Variants in NRG1 observed in about 807,000 individuals in gnomAD.
NRG1 encodes the protein pro-neuregulin-1, membrane-bound isoform.
Under a neutral mutation model 63.8 loss-of-function variants are expected in NRG1, and 18 were observed. The ratio of observed to expected loss-of-function variants is 0.28; its 90% CI spans 0.19 to 0.42. The LOEUF is 0.42. Ranked by LOEUF, NRG1 falls within the 10% of genes least tolerant of loss-of-function variation. NRG1 has a pLI of 1.00. For missense variants in NRG1, 762 were observed against 814.7 expected, an observed-to-expected ratio of 0.94 and a Z score of 0.79; for synonymous variants, 302 against 301.3, an observed-to-expected ratio of 1.00 and a Z score of -0.02.
intron 1 of NRG1, among the ~76,000 whole-genome samples, chr8:32,291,533 C>CTTT (rs757839225): frequency 0.013 from 1,278 of 97,950 alleles, 10 homozygotes; most frequent in Middle Eastern, 0.018. Context: ...TTTTTATCCA[C>CTTT]TTTTTTTTTT....
chr8:32,115,314 G>C (rs1339356035), intron 1 of NRG1, among the ~76,000 whole-genome samples: 1 of 151,894 alleles, frequency 6.6e-6, no homozygotes, highest in African/African-American at 2.4e-5. Flanking sequence ...AACTTTTGAC[G>C]CCCCACAGCC....
intron 1 of NRG1, among the ~76,000 whole-genome samples, chr8:32,144,761 T>C (rs998922407): frequency 6.6e-6 from 1 of 152,162 alleles, no homozygotes. Flanking sequence ...TTAAAATAGT[T>C]TTACAAGCAC....
At chr8:31,718,481 T>G (rs1385829714) in intron 1 of NRG1, among the ~76,000 whole-genome samples, 2 of 152,204 alleles carry the variant, frequency 1.3e-5, no homozygotes, top group Non-Finnish European at 2.9e-5. Flanking sequence ...TACTGTGCAC[T>G]CCCAAGTAAA....
intron 1 of NRG1, among the ~76,000 whole-genome samples, chr8:31,825,130 C>T (rs1242136652): frequency 6.6e-6 from 1 of 152,132 alleles, no homozygotes; most frequent in African/African-American, 2.4e-5. Context: ...GGTGGCTCCG[C>T]CTGTAATCCC....
chr8:32,036,975 C>A (rs577918050), intron 1 of NRG1, among the ~76,000 whole-genome samples: 1 of 152,148 alleles, frequency 6.6e-6, no homozygotes, highest in African/African-American at 2.4e-5. Context: ...AGGGCCCTTA[C>A]TGGAGATATG....
chr8:31,790,577 T>A (rs1820603720), intron 1 of NRG1, among the ~76,000 whole-genome samples: 1 of 152,220 alleles, frequency 6.6e-6, no homozygotes, highest in South Asian at 2.1e-4. Flanking sequence ...TAACTACTGT[T>A]CAATAGAGAA....
intron 1 of NRG1, among the ~76,000 whole-genome samples, chr8:31,892,091 G>C (rs1831189414): frequency 2.0e-5 from 3 of 152,052 alleles, no homozygotes. Flanking sequence ...TCAATATCCT[G>C]AATGTGATAT....
At chr8:32,725,298 A>T (rs146494443) in intron 5 of NRG1, among the ~76,000 whole-genome samples, 4 of 152,106 alleles carry the variant, frequency 2.6e-5, no homozygotes, top group Non-Finnish European at 4.4e-5. Context: ...TGAGGTTCAG[A>T]GTTCCTCTGC....
chr8:32,349,661 G>A (rs1252066024), intron 1 of NRG1, among the ~76,000 whole-genome samples: 1 of 152,144 alleles, frequency 6.6e-6, no homozygotes, highest in Non-Finnish European at 1.5e-5. Flanking sequence ...CGAGTAAATT[G>A]CTTTTTGTAT....
rs540286029 is a variant in NRG1 at position 32,689,987 on chromosome 8, G to A, written c.503-37962G>A. Among the ~76,000 whole-genome samples the A allele has an allele frequency of 4.6e-4, 70 of 152,230 alleles. 2 individuals carry two copies. Among genetic ancestry groups the A allele is most frequent in the Admixed American group, 4.6e-3 (70 of 15,290 alleles). On this transcript the variant is annotated intron_variant, in intron 5 of 11. Coordinates refer to ENST00000356819, the Ensembl canonical transcript of NRG1. ...ACGAGTAGGAAGCTGCTTTGGTTCT[G>A]GGGTCAATCTAGGACTTCAGGTCTA... is the stretch of plus-strand genomic sequence containing the variant.
intron 1 of NRG1, among the ~76,000 whole-genome samples, chr8:32,163,737 C>T (rs1222202422): frequency 1.3e-5 from 2 of 152,192 alleles, no homozygotes; most frequent in African/African-American, 2.4e-5. Context: ...ACAGACATAA[C>T]TTGCAAAGGT....
At chr8:32,218,575 CA>C (rs917964974) in intron 1 of NRG1, among the ~76,000 whole-genome samples, 1 of 152,160 alleles carries the variant, frequency 6.6e-6, no homozygotes, top group Non-Finnish European at 1.5e-5. Context: ...ATGCAGTCCA[CA>C]AAAAATGACA....
chr8:32,356,474 A>ACCCCCCCCCCCCCCCCCC (rs11426642), intron 1 of NRG1, among the ~76,000 whole-genome samples: 1 of 69,324 alleles, frequency 1.4e-5, no homozygotes, highest in African/African-American at 5.9e-5. Context: ...CCTTGTTGGG[A>ACCCCCCCCCCCCCCCCCC]CCCCCCCCCC....
intron 1 of NRG1, among the ~76,000 whole-genome samples, chr8:32,215,523 A>G (rs902346151): frequency 6.6e-6 from 1 of 152,188 alleles, no homozygotes; most frequent in African/African-American, 2.4e-5. Flanking sequence ...TCACACACTT[A>G]TGAGGAAACT....
At chr8:32,411,202 TAG>T (rs1487197215) in intron 1 of NRG1, among the ~76,000 whole-genome samples, 15 of 152,110 alleles carry the variant, frequency 9.9e-5, no homozygotes, top group Non-Finnish European at 1.8e-4. Flanking sequence ...GATGAGGAAC[TAG>T]AGACTCTGAG....
intron 1 of NRG1, among the ~76,000 whole-genome samples, chr8:32,414,028 C>G (rs556354057): frequency 6.6e-6 from 1 of 151,374 alleles, no homozygotes; most frequent in African/African-American, 2.4e-5. Context: ...ATTTATAAAT[C>G]CTGAAGGTTC....
At chr8:32,369,934 C>G (rs924884209) in intron 1 of NRG1, among the ~76,000 whole-genome samples, 2 of 151,718 alleles carry the variant, frequency 1.3e-5, no homozygotes, top group African/African-American at 4.8e-5. Flanking sequence ...GGCTGTGATC[C>G]CAAAACAGGG....
At chr8:32,764,149 C>A (rs1831203087) in exon 12 of NRG1, 2 of 1,614,080 alleles carry the variant, frequency 1.2e-6, no homozygotes, top group Non-Finnish European at 1.7e-6. Context: ...GGCCACATTG[C>A]TAACAGATTG....
chr8:32,108,048 AAT>A (rs898990297), intron 1 of NRG1, among the ~76,000 whole-genome samples: 19 of 151,978 alleles, frequency 1.3e-4, no homozygotes, highest in Non-Finnish European at 1.8e-4. Flanking sequence ...TATCTATATG[AAT>A]ATATATATAG....
Sources: allele counts gnomAD v4.1 joint callset (sites outside exome capture counted in the v4.1 genomes callset), GRCh38; gene constraint gnomAD v4.1.1; transcripts MANE v1.5; gene names NCBI Gene and HGNC (gene_info 2026-07-23, HGNC 2026-07-21).